Variants in RALYL observed in about 807,000 individuals in gnomAD.
RALYL encodes the protein RNA-binding Raly-like protein.
RALYL carries 29 observed loss-of-function variants against 35.1 expected under a neutral mutation model. That is an observed-to-expected ratio of 0.83 (90% CI 0.61 to 1.13). RALYL has a LOEUF of 1.13. Among genes scored for constraint, RALYL ranks in the 50% most tolerant of loss-of-function variants. RALYL has a pLI of 0.00. For missense variants in RALYL, 359 were observed against 360.4 expected (o/e 1.00, Z 0.03); for synonymous variants, 120 against 127.6 (o/e 0.94, Z 0.40).
At chr8:84,667,236 T>C (rs931513475) in intron 2 of RALYL, among the ~76,000 whole-genome samples, 20 of 152,132 alleles carry the variant, frequency 1.3e-4, no homozygotes, top group African/African-American at 4.8e-4. Context: ...ATCTAGAGAC[T>C]TGTTCATATT....
At chr8:84,217,520 T>A (rs967753369) in intron 1 of RALYL, among the ~76,000 whole-genome samples, 8 of 152,064 alleles carry the variant, frequency 5.3e-5, no homozygotes. Context: ...AGCTGGAGTG[T>A]ATTTAACACT....
chr8:84,336,122 G>A (rs1200723254), intron 1 of RALYL, among the ~76,000 whole-genome samples: 2 of 152,084 alleles, frequency 1.3e-5, no homozygotes, highest in African/African-American at 2.4e-5. Flanking sequence ...CTATAGTACA[G>A]TGACTTCTCT....
chr8:84,725,375 A>G (rs560079692), intron 2 of RALYL, among the ~76,000 whole-genome samples: 54 of 151,890 alleles, frequency 3.6e-4, no homozygotes, highest in African/African-American at 1.2e-3. Flanking sequence ...ATTATTTTGA[A>G]CAATGAATCC....
intron 1 of RALYL, among the ~76,000 whole-genome samples, chr8:84,187,860 A>C (rs975054192): frequency 7.2e-5 from 11 of 152,134 alleles, no homozygotes; most frequent in Non-Finnish European, 1.0e-4. Context: ...CCCCAGTAAA[A>C]GTGTGGTCAT....
chr8:84,886,637 T>C (rs1475292166), intron 7 of RALYL, among the ~76,000 whole-genome samples: 1 of 152,184 alleles, frequency 6.6e-6, no homozygotes, highest in Non-Finnish European at 1.5e-5. Context: ...ATTTATCGGA[T>C]ACCCAACATT....
chr8:84,795,817 C>A (rs1267318042), intron 3 of RALYL, among the ~76,000 whole-genome samples: 2 of 152,140 alleles, frequency 1.3e-5, no homozygotes, highest in Admixed American at 6.5e-5. Context: ...ACATGAAAAT[C>A]AAAACTGATT....
chr8:84,619,609 G>A (rs1466939409), intron 2 of RALYL, among the ~76,000 whole-genome samples: 1 of 147,592 alleles, frequency 6.8e-6, no homozygotes, highest in Non-Finnish European at 1.5e-5. Flanking sequence ...AGTTAATATT[G>A]TTATGTGTGA....
chr8:84,762,729 A>G (rs749088382), intron 2 of RALYL, among the ~76,000 whole-genome samples: 5 of 152,184 alleles, frequency 3.3e-5, no homozygotes, highest in Non-Finnish European at 4.4e-5. Flanking sequence ...GGAATCAATA[A>G]TAAGACCCAC....
intron 2 of RALYL, among the ~76,000 whole-genome samples, chr8:84,740,039 A>G (rs1183158248): frequency 6.6e-6 from 1 of 151,966 alleles, no homozygotes; most frequent in African/African-American, 2.4e-5. Flanking sequence ...AAAAAATAGA[A>G]TAGAAGAATA....
chr8:84,384,703 T>C (rs1858797298), intron 1 of RALYL, among the ~76,000 whole-genome samples: 1 of 151,760 alleles, frequency 6.6e-6, no homozygotes, highest in Admixed American at 6.6e-5. Context: ...CTCTGTGAAT[T>C]CAAATTCTCT....
chr8:84,383,592 G>T (rs765118836), intron 1 of RALYL, among the ~76,000 whole-genome samples: 2 of 151,548 alleles, frequency 1.3e-5, no homozygotes, highest in Non-Finnish European at 1.5e-5. Context: ...AAAAATATGG[G>T]TCTAATGAAT....
At chr8:84,754,527 A>G (rs1053376970) in intron 2 of RALYL, among the ~76,000 whole-genome samples, 2 of 152,186 alleles carry the variant, frequency 1.3e-5, no homozygotes, top group African/African-American at 2.4e-5. Flanking sequence ...TATAAATGCA[A>G]TGGTGGAACT....
At chr8:84,426,974 T>A (rs1404332443) in intron 1 of RALYL, among the ~76,000 whole-genome samples, 1 of 152,140 alleles carries the variant, frequency 6.6e-6, no homozygotes, top group African/African-American at 2.4e-5. Flanking sequence ...AATCACCACC[T>A]CATAAAGATA....
At chr8:84,605,593 G>A (rs1816936357) in intron 2 of RALYL, among the ~76,000 whole-genome samples, 1 of 151,994 alleles carries the variant, frequency 6.6e-6, no homozygotes, top group Admixed American at 6.6e-5. Flanking sequence ...CCTGACTCAG[G>A]CAGATAGGTT....
chr8:84,651,715 AAACTT>A (rs1052995646), intron 2 of RALYL, among the ~76,000 whole-genome samples: 4 of 152,092 alleles, frequency 2.6e-5, no homozygotes, highest in African/African-American at 9.7e-5. Context: ...TATATGAAAA[AAACTT>A]AAGAGAAATA....
intron 5 of RALYL, among the ~76,000 whole-genome samples, chr8:84,861,504 G>A (rs1047781371): frequency 3.9e-5 from 6 of 152,004 alleles, no homozygotes; most frequent in Non-Finnish European, 5.9e-5. Context: ...TCACTTTTCC[G>A]CAAAGGTTTT....
chr8:84,887,906 C>T, intron 8 of RALYL, 130 bp downstream of exon 8: 1 of 801,100 alleles, frequency 1.2e-6, no homozygotes, highest in Non-Finnish European at 2.0e-6. Flanking sequence ...TTTAAGGGAA[C>T]ATGAGTATAG....
intron 2 of RALYL, among the ~76,000 whole-genome samples, chr8:84,676,398 G>T (rs1834199488): frequency 6.6e-6 from 1 of 152,150 alleles, no homozygotes; most frequent in Admixed American, 6.6e-5. Context: ...TTGATTGTAG[G>T]CATAACCCCT....
At chr8:84,552,358 A>ATATATATATT (rs60915927) in intron 2 of RALYL, among the ~76,000 whole-genome samples, 1 of 30,614 alleles carries the variant, frequency 3.3e-5, no homozygotes, top group African/African-American at 1.3e-4. Context: ...ATATATATAT[A>ATATATATATT]TTTTTTTTTT....
Sources: gnomAD v4.1 joint callset for allele counts (sites outside exome capture counted in the v4.1 genomes callset) on GRCh38, gnomAD v4.1.1 for gene constraint, MANE v1.5 for transcripts, NCBI Gene and HGNC (gene_info 2026-07-23, HGNC 2026-07-21) for gene names.